The following PCNT variants were observed in gnomAD, a reference collection of about 807,000 sequenced individuals.
PCNT encodes the protein pericentrin.
PCNT carries 319 observed loss-of-function variants against 380.4 expected under a neutral mutation model. That is an observed-to-expected ratio of 0.84 (90% CI 0.77 to 0.92). The LOEUF is 0.92. PCNT is among the 40% of genes least tolerant of loss of function. The probability of loss-of-function intolerance (pLI) is 0.00; values close to 1 mark genes in which losing one functional copy is unlikely to be tolerated. For synonymous variants in PCNT, 1,845 were observed against 1,735.2 expected (o/e 1.06, Z -1.57); for missense variants, 4,400 against 4,255.3 (o/e 1.03, Z -0.95).
At chr21:46,381,206 GTGTGTGTGTGTGTGTGTGT>G (rs2085526176) in intron 15 of PCNT, among the ~76,000 whole-genome samples, 3 of 42,950 alleles carry the variant, frequency 7.0e-5, no homozygotes, top group South Asian at 6.3e-4. Context: ...CTGTGTGTGT[GTGTGTGTGTGTGTGTGTGT>G]GTGTGTGTGT....
intron 26 of PCNT, 93 bp downstream of exon 26, chr21:46,401,814 G>A (rs1285239280): frequency 3.4e-6 from 4 of 1,164,066 alleles, no homozygotes; most frequent in Middle Eastern, 4.7e-4. Flanking sequence ...TAACACAGGC[G>A]ATGGGCTTGT....
At chr21:46,433,293 G>T (rs181804524) in intron 38 of PCNT, among the ~76,000 whole-genome samples, 2 of 152,236 alleles carry the variant, frequency 1.3e-5, no homozygotes, top group African/African-American at 2.4e-5. Flanking sequence ...TGGGGCAGGA[G>T]AATTGCTTGA....
chr21:46,387,869 G>C (rs1200846770), intron 17 of PCNT, among the ~76,000 whole-genome samples: 1 of 152,148 alleles, frequency 6.6e-6, no homozygotes, highest in African/African-American at 2.4e-5. Context: ...AGTGCAGGGA[G>C]CGAGATGTGG....
intron 44 of PCNT, among the ~76,000 whole-genome samples, chr21:46,443,470 C>T (rs750871965): frequency 1.3e-5 from 2 of 152,184 alleles, no homozygotes; most frequent in African/African-American, 2.4e-5. Context: ...GGAAAGTTTG[C>T]CCCTCTGAGT....
Position 46,416,750 on chromosome 21 carries a change from T to G in PCNT, c.6832T>G (p.Cys2278Gly). 6.2e-7 allele frequency: 1 copy of G among 1,601,322 alleles called. No homozygotes were observed. The highest frequency in any genetic ancestry group is 8.5e-7 in the Non-Finnish European group (1 of 1,173,876). ...ACAGACCCAGGGGCCGGGGCTGCTT[T>G]GTTCCCCAGGCGTGTCTGCAGCAGC... Reference protein sequence around the residue: ...LPQTQGPGLLCSPGVSAAALA... With the variant: ...LPQTQGPGLLGSPGVSAAALA... The change falls in exon 30 of 47, where the codon TGT (cysteine) becomes GGT (glycine). Residue 2278 changes from cysteine (C) to glycine (G), a missense_variant. Physicochemically the swap from Cys to Gly is radical, Grantham distance 159. Coordinates refer to ENST00000359568, the MANE Select transcript of PCNT (RefSeq NM_006031.6).
intron 20 of PCNT, 76 bp downstream of exon 20, chr21:46,390,908 C>G: frequency 6.7e-7 from 1 of 1,489,478 alleles, no homozygotes; most frequent in Non-Finnish European, 9.2e-7. Context: ...GGGAAGGAAG[C>G]CTTCAGAATA....
chr21:46,377,949 C>T (rs2085383671), intron 15 of PCNT, among the ~76,000 whole-genome samples: 1 of 152,088 alleles, frequency 6.6e-6, no homozygotes, highest in African/African-American at 2.4e-5. Context: ...CTGTGGGCGT[C>T]CTACGTACAT....
rs1361870143 is a variant in PCNT at position 46,431,446 on chromosome 21, T to C, written c.8065-83T>C. On this transcript the variant is annotated intron_variant, in intron 37 of 46. Coordinates refer to ENST00000359568, the MANE Select transcript of PCNT (RefSeq NM_006031.6). ...AAGGTAGAATTGCTGGGCTAAAGTA[T>C]ATAAACAAATGTGGACAGGAAAACC... 9.3e-6 allele frequency: 15 copies of C among 1,610,520 alleles called. No individual in the cohort carries two copies. The East Asian group carries it at 3.1e-4, about 34-fold the overall frequency.
At chr21:46,441,560 A>G (rs749883788) in intron 43 of PCNT, among the ~76,000 whole-genome samples, 8 of 152,138 alleles carry the variant, frequency 5.3e-5, no homozygotes, top group Non-Finnish European at 1.0e-4. Flanking sequence ...AGGCTGGGCC[A>G]AAGTGGGGTG....
At position 46,436,123 on chromosome 21, in the gene PCNT, AG is replaced by A; in HGVS notation, c.8972del (p.Ser2991ThrfsTer22). The A allele has an allele frequency of 6.2e-7, 1 of 1,609,380 alleles. No individual in the cohort carries two copies. The highest frequency in any genetic ancestry group is 8.5e-7 in the Non-Finnish European group (1 of 1,179,822). On this transcript the variant is annotated frameshift_variant, in exon 39 of 47. Transcript: ENST00000359568. LOFTEE classifies it high-confidence loss of function. ...RLLSAARLLT[S>X]FTSQAVDRTV... ...GCTCTCTGCCGCCCGGCTTCTCACC[AG>A]CTTCACCAGCCAGGCCGTGGACAGG...
intron 1 of PCNT, among the ~76,000 whole-genome samples, chr21:46,326,123 A>G (rs1287018210): frequency 6.6e-6 from 1 of 152,228 alleles, no homozygotes. Flanking sequence ...GCCAAGGGCT[A>G]GGAAAGCTAT....
intron 3 of PCNT, among the ~76,000 whole-genome samples, chr21:46,340,816 C>T (rs2083891474): frequency 6.6e-6 from 1 of 151,764 alleles, no homozygotes; most frequent in South Asian, 2.1e-4. Context: ...ATTACAGGTG[C>T]CCGCCACCAT....
At chr21:46,397,541 G>A (rs753085822) in intron 22 of PCNT, 47 bp downstream of exon 22, 45 of 1,475,242 alleles carry the variant, frequency 3.1e-5, no homozygotes, top group Non-Finnish European at 3.7e-5. Flanking sequence ...AAAAGTTGCC[G>A]TTACAGCATG....
Position 46,385,188 on chromosome 21 carries a change from C to G in PCNT, c.3313-644C>G, listed in dbSNP as rs185592037. Among the ~76,000 whole-genome samples the G allele has an allele frequency of 5.9e-5, 9 of 152,292 alleles. No homozygotes were observed. The East Asian group carries it at 1.7e-3, about 29-fold the overall frequency. ...TGGGCAACATAGGGAGACCCTGTCT[C>G]TATAAAAAATTAAAAAAATTAGCCG... On this transcript the variant is annotated intron_variant, in intron 16 of 46. Coordinates refer to ENST00000359568, the MANE Select transcript of PCNT (RefSeq NM_006031.6).
intron 22 of PCNT, 101 bp from the exon 23 acceptor site, chr21:46,397,913 C>A (rs2086260688): frequency 1.1e-5 from 9 of 821,618 alleles, no homozygotes; most frequent in Middle Eastern, 3.4e-4. Flanking sequence ...AGCTGCTGGG[C>A]AGTTGCACTT....
chr21:46,335,804 G>T (rs1344238141), intron 3 of PCNT, among the ~76,000 whole-genome samples: 1 of 151,330 alleles, frequency 6.6e-6, no homozygotes, highest in Non-Finnish European at 1.5e-5. Context: ...TCCTGCCTCA[G>T]CCTCCCAAGT....
intron 43 of PCNT, 59 bp downstream of exon 43, chr21:46,441,143 C>T (rs2053597303): frequency 2.9e-6 from 3 of 1,044,232 alleles, no homozygotes; most frequent in African/African-American, 1.6e-5. Flanking sequence ...GTGGGCAGCA[C>T]ACTGCATGGT....
At position 46,398,904 on chromosome 21, in the gene PCNT, C is replaced by T. The variant is rs543683936; in HGVS notation, c.4584+649C>T. Among the ~76,000 whole-genome samples the T allele has an allele frequency of 2.2e-3, 338 of 150,696 alleles. 2 individuals are homozygous for T. The highest frequency in any genetic ancestry group is 1.5e-3 in the Non-Finnish European group (104 of 67,766). The stretch of plus-strand genomic sequence containing the variant: ...GCGCGATCTCAGCTCACTGCAAGCT[C>T]CACCTCCCGGGTTCACGCCATTCTC... On this transcript the variant is annotated intron_variant, in intron 24 of 46. Coordinates refer to ENST00000359568, the MANE Select transcript of PCNT (RefSeq NM_006031.6).
At position 46,355,464 on chromosome 21, in the gene PCNT, C is replaced by A. The variant is rs749134992; in HGVS notation, c.1774C>A (p.Arg592Ser). 2.5e-6 allele frequency: 4 copies of A among 1,613,858 alleles called. No individual in the cohort carries two copies. The highest frequency in any genetic ancestry group is 1.7e-5 in the Admixed American group (1 of 60,030). The stretch of plus-strand genomic sequence containing the variant: ...GGTTTCTCTGTAGGAGAGCCTGCCA[C>A]GCTTCCAGGCGGAGTTAGAAGAAAG... ...EPERHKESLPRFQAELEESHR... is the reference protein window; with the variant it reads ...EPERHKESLPSFQAELEESHR... Residue 592 changes from arginine to serine, a missense_variant, in exon 12 of 47, where the codon CGC becomes AGC. Arg to Ser is a moderately radical substitution (Grantham distance 110). Transcript: ENST00000359568.
Sources: allele counts gnomAD v4.1 joint callset (sites outside exome capture counted in the v4.1 genomes callset), GRCh38; gene constraint gnomAD v4.1.1; transcripts MANE v1.5; gene names NCBI Gene and HGNC (gene_info 2026-07-23, HGNC 2026-07-21).